The following RAB22A variants were observed in gnomAD, a reference collection of about 807,000 sequenced individuals.
RAB22A encodes RAB22A, member RAS oncogene family.
A neutral mutation model predicts 30.2 loss-of-function variants in RAB22A; 13 were observed. The ratio of observed to expected loss-of-function variants is 0.43; its 90% CI spans 0.28 to 0.68. The LOEUF is 0.68. Among genes scored for constraint, RAB22A ranks in the 30% least tolerant of loss-of-function variants. RAB22A has a pLI of 0.18. For synonymous variants in RAB22A, 89 were observed against 87.2 expected (o/e 1.02, Z -0.11); for missense variants, 177 against 246.8 (o/e 0.72, Z 1.89).
chr20:58,352,343 G>GT (rs1204098546), intron 3 of RAB22A, among the ~76,000 whole-genome samples: 2 of 152,176 alleles, frequency 1.3e-5, no homozygotes, highest in African/African-American at 4.8e-5. Flanking sequence ...GTGTTCAGGG[G>GT]TAAACCACCA....
rs1987263161 is a variant in RAB22A, at chr20:58,363,446, T to G, written c.*3743T>G. The G allele has an allele frequency of 6.6e-6, 1 of 152,168 alleles. No homozygotes were observed. The highest frequency in any genetic ancestry group is 2.4e-5 in the African/African-American group (1 of 41,438). 9.4% of individuals were successfully genotyped at this position (152,168 alleles called of 1,614,324 possible). ...AAACCCTTTTCTTCCAGGGAAAAAT[T>G]ATTGGAAATTCCTTAACTGAGCTAT... is the stretch of plus-strand genomic sequence containing the variant. On this transcript the variant is annotated 3_prime_UTR_variant, in exon 7 of 7. Transcript: ENST00000244040.
intron 2 of RAB22A, among the ~76,000 whole-genome samples, chr20:58,338,384 TG>T (rs2091941362): frequency 6.6e-6 from 1 of 152,200 alleles, no homozygotes; most frequent in Non-Finnish European, 1.5e-5. Flanking sequence ...TTAGGCTGTA[TG>T]ATGAACATGT....
At chr20:58,333,383 C>T (rs1445791585) in intron 2 of RAB22A, among the ~76,000 whole-genome samples, 2 of 152,088 alleles carry the variant, frequency 1.3e-5, no homozygotes, top group East Asian at 1.9e-4. Context: ...CCAGCAAAAA[C>T]TTTCTTCAAA....
At chr20:58,329,392 T>G (rs989471637) in intron 2 of RAB22A, among the ~76,000 whole-genome samples, 3 of 152,146 alleles carry the variant, frequency 2.0e-5, no homozygotes, top group Non-Finnish European at 4.4e-5. Flanking sequence ...TAGATGTAGA[T>G]TTCAGATGTT....
At chr20:58,343,239 T>C (rs1262411477) in intron 2 of RAB22A, among the ~76,000 whole-genome samples, 1 of 152,200 alleles carries the variant, frequency 6.6e-6, no homozygotes, top group African/African-American at 2.4e-5. Context: ...AACACCTTAA[T>C]GTTATTAATT....
At chr20:58,351,674 G>A (rs1987052794) in intron 3 of RAB22A, among the ~76,000 whole-genome samples, 1 of 152,258 alleles carries the variant, frequency 6.6e-6, no homozygotes, top group South Asian at 2.1e-4. Flanking sequence ...TTAGCCGGGC[G>A]TGGTAGCGCA....
chr20:58,310,052 C>G, intron 1 of RAB22A, 40 bp downstream of exon 1: 1 of 1,259,878 alleles, frequency 7.9e-7, no homozygotes, highest in Non-Finnish European at 1.0e-6. Flanking sequence ...CCACGGGAGG[C>G]TGGGCTGGCG....
chr20:58,364,607 T>C lies in RAB22A; in HGVS notation c.*4904T>C, dbSNP rs1412136768. 6.6e-6 allele frequency: 1 copy of C among 152,206 alleles called. No individual in the cohort carries two copies. Among genetic ancestry groups the C allele is most frequent in the Non-Finnish European group, 1.5e-5 (1 of 68,038 alleles). 9.4% of individuals were successfully genotyped at this position (152,206 alleles called of 1,614,324 possible). On this transcript the variant is annotated 3_prime_UTR_variant, in exon 7 of 7. Transcript: ENST00000244040. Reference sequence around the variant, plus strand: ...TACTGCAAGTTCATTTTTAGATCTGTATGGTGCCCAGTACTCCACAAAATG... The same window carrying C: ...TACTGCAAGTTCATTTTTAGATCTGCATGGTGCCCAGTACTCCACAAAATG...
At position 58,311,111 on chromosome 20, in the gene RAB22A, C is replaced by T. The variant is rs762074196; in HGVS notation, c.105C>T (p.Asn35=). 15 of 1,590,176 alleles carry T rather than the reference C, an allele frequency of 9.4e-6. No individual in the cohort carries two copies. Among genetic ancestry groups the T allele is most frequent in the Non-Finnish European group, 1.2e-5 (14 of 1,158,118 alleles). The change falls in exon 2 of 7, where the codon AAC becomes AAT. Residue 35 remains asparagine (N), a synonymous_variant. Transcript: ENST00000244040. ...AAGACAGTTTTGATCCAAACATCAACCCAACAATAGGGTAAGAGACTTTTA... is the reference window on the plus strand; with the variant it reads ...AAGACAGTTTTGATCCAAACATCAATCCAACAATAGGGTAAGAGACTTTTA... The part of the protein sequence containing the change: ...FVEDSFDPNI[N]PTIGASFMTK...
At chr20:58,316,580 T>C (rs1000871464) in intron 2 of RAB22A, among the ~76,000 whole-genome samples, 11 of 152,088 alleles carry the variant, frequency 7.2e-5, no homozygotes, top group African/African-American at 2.4e-4. Context: ...AGTGAGCCAT[T>C]GTGTAGTGAG....
intron 6 of RAB22A, among the ~76,000 whole-genome samples, chr20:58,359,213 T>C (rs1176025244): frequency 6.6e-6 from 1 of 152,178 alleles, no homozygotes; most frequent in Admixed American, 6.5e-5. Context: ...CAAAATGTTT[T>C]TGATGTGTGG....
At chr20:58,323,384 TG>T (rs1986496357) in intron 2 of RAB22A, among the ~76,000 whole-genome samples, 2 of 152,300 alleles carry the variant, frequency 1.3e-5, no homozygotes, top group East Asian at 3.8e-4. Flanking sequence ...ATTATTTTTT[TG>T]TGTTCTCTGT....
chr20:58,311,207 G>T, intron 2 of RAB22A, 85 bp downstream of exon 2: 1 of 1,243,254 alleles, frequency 8.0e-7, no homozygotes, highest in Non-Finnish European at 1.2e-6. Context: ...TAGGCCCTGC[G>T]CTTTGTAGTC....
At chr20:58,349,783 G>A (rs1443423619) in intron 3 of RAB22A, among the ~76,000 whole-genome samples, 1 of 152,106 alleles carries the variant, frequency 6.6e-6, no homozygotes, top group Non-Finnish European at 1.5e-5. Flanking sequence ...ACTCTTCAGA[G>A]AAGAAAAAAA....
intron 2 of RAB22A, among the ~76,000 whole-genome samples, chr20:58,314,715 C>G (rs991273526): frequency 6.6e-6 from 1 of 152,056 alleles, no homozygotes; most frequent in Non-Finnish European, 1.5e-5. Flanking sequence ...ATGGCACACA[C>G]CTGTAATCGC....
chr20:58,353,246 T>C, intron 3 of RAB22A, 27 bp from the exon 4 acceptor site: 1 of 1,597,220 alleles, frequency 6.3e-7, no homozygotes, highest in Non-Finnish European at 8.6e-7. Flanking sequence ...TTTCCCAATT[T>C]TGTTTATTTT....
At chr20:58,326,639 T>G (rs947350387) in intron 2 of RAB22A, among the ~76,000 whole-genome samples, 2 of 152,114 alleles carry the variant, frequency 1.3e-5, no homozygotes, top group Non-Finnish European at 2.9e-5. Flanking sequence ...TCTTTTAAGG[T>G]TTTTTTGTGG....
Position 58,353,414 on chromosome 20 carries a change from C to A in RAB22A, c.271-18C>A. On this transcript the variant is annotated intron_variant, in intron 4 of 6. Transcript: ENST00000244040. The stretch of plus-strand genomic sequence containing the variant: ...GGTTGCTTAGATCTCCAGTTGCTCT[C>A]TTTTTTGTGTGTTACAGGAGACATT... The A allele has an allele frequency of 6.2e-7, 1 of 1,610,104 alleles. No homozygotes were observed. Among genetic ancestry groups the A allele is most frequent in the Non-Finnish European group, 8.5e-7 (1 of 1,176,562 alleles).
intron 3 of RAB22A, among the ~76,000 whole-genome samples, chr20:58,347,996 G>A (rs1444633179): frequency 6.6e-6 from 1 of 152,218 alleles, no homozygotes; most frequent in African/African-American, 2.4e-5. Flanking sequence ...GGAGGCCAAG[G>A]CAGGCGGATC....
Sources: gnomAD v4.1 joint callset for allele counts (sites outside exome capture counted in the v4.1 genomes callset) on GRCh38, gnomAD v4.1.1 for gene constraint, MANE v1.5 for transcripts, NCBI Gene and HGNC (gene_info 2026-07-23, HGNC 2026-07-21) for gene names.